Variants in NCKAP5 observed in about 807,000 individuals in gnomAD.
The protein encoded by NCKAP5 is nck-associated protein 5.
Under a neutral mutation model 167.0 loss-of-function variants are expected in NCKAP5, and 92 were observed. The ratio of observed to expected loss-of-function variants is 0.55; its 90% CI spans 0.47 to 0.66. The LOEUF is 0.66. Among genes scored for constraint, NCKAP5 ranks in the 30% least tolerant of loss-of-function variants. The pLI, the probability that NCKAP5 is intolerant of heterozygous loss-of-function variation, is 0.00. For missense variants in NCKAP5, 2,378 were observed against 2,315.0 expected, an observed-to-expected ratio of 1.03 and a Z score of -0.56; for synonymous variants, 891 against 877.4, an observed-to-expected ratio of 1.02 and a Z score of -0.27.
intron 3 of NCKAP5, among the ~76,000 whole-genome samples, chr2:133,382,884 TC>T (rs1463407084): frequency 6.6e-6 from 1 of 152,124 alleles, no homozygotes; most frequent in Non-Finnish European, 1.5e-5. Context: ...CATCATTTTG[TC>T]CTCAGTGTCT....
chr2:133,070,466 G>A (rs2080351348), intron 6 of NCKAP5, among the ~76,000 whole-genome samples: 1 of 152,078 alleles, frequency 6.6e-6, no homozygotes, highest in Non-Finnish European at 1.5e-5. Context: ...GCATGCAGAT[G>A]TTTCCTGTAT....
At chr2:132,716,486 TC>T (rs1573971938) in intron 19 of NCKAP5, among the ~76,000 whole-genome samples, 1 of 152,154 alleles carries the variant, frequency 6.6e-6, no homozygotes, top group East Asian at 1.9e-4. Flanking sequence ...CCTCACCTAT[TC>T]CACTTCAACC....
At position 132,783,609 on chromosome 2, in the gene NCKAP5, T is replaced by A. The variant is rs1281498366; in HGVS notation, c.3202A>T (p.Ile1068Phe). The part of the protein sequence containing the change: ...QRDIGLQTPR[I>F]SPSTHEPLEM... ...AGTGGCTCATGGGTTGAAGGAGAGA[T>A]CCTGGGAGTCTGTAATCCTATGTCC... Residue 1068 changes from isoleucine (I) to phenylalanine (F), a missense_variant, in exon 14 of 20, where the codon ATC (isoleucine) becomes TTC (phenylalanine). By Grantham distance (21) the Ile-to-Phe change is conservative. Around this residue, in one of 3 missense-constraint regions of NCKAP5, gnomAD observed 1,325 missense variants for 1,274.5 expected, o/e 1.04. Coordinates refer to ENST00000409261, the MANE Select transcript of NCKAP5 (RefSeq NM_207363.3). 8.1e-6 allele frequency: 13 copies of A among 1,613,774 alleles called. No individual in the cohort carries two copies. The highest frequency in any genetic ancestry group is 1.3e-5 in the African/African-American group (1 of 74,880).
intron 4 of NCKAP5, among the ~76,000 whole-genome samples, chr2:133,284,424 A>C (rs2090035469): frequency 6.6e-6 from 1 of 152,202 alleles, no homozygotes; most frequent in Non-Finnish European, 1.5e-5. Context: ...ATAAGAAAAA[A>C]ATAGTATGTG....
At chr2:133,463,243 G>T (rs958761712) in intron 3 of NCKAP5, among the ~76,000 whole-genome samples, 1 of 152,134 alleles carries the variant, frequency 6.6e-6, no homozygotes, top group Non-Finnish European at 1.5e-5. Context: ...TACAAATCAG[G>T]TTTTAACTTT....
At chr2:133,613,289 T>C in the NCKAP5 span, among the ~76,000 whole-genome samples, 1 of 152,194 alleles carries the variant, frequency 6.6e-6, no homozygotes, top group African/African-American at 2.4e-5. Context: ...GTTCAATGGA[T>C]GCAATGGTAC....
chr2:133,495,802 T>G (rs1028362454), intron 3 of NCKAP5, among the ~76,000 whole-genome samples: 1 of 152,196 alleles, frequency 6.6e-6, no homozygotes, highest in African/African-American at 2.4e-5. Flanking sequence ...AAATTACATT[T>G]TAAATATACT....
intron 2 of NCKAP5, among the ~76,000 whole-genome samples, chr2:133,528,146 A>G (rs1281217307): frequency 2.0e-5 from 3 of 152,276 alleles, no homozygotes; most frequent in African/African-American, 7.2e-5. Flanking sequence ...AAGTAGAGTT[A>G]GGTTTTACAC....
In NCKAP5 at chr2:133,337,642, G is replaced by A. The variant is rs192282894; in HGVS notation, c.70-34532C>T. Among the ~76,000 whole-genome samples the A allele has an allele frequency of 4.6e-4, 70 of 152,314 alleles. 1 individual carries two copies. Among genetic ancestry groups the A allele is most frequent in the Admixed American group, 2.9e-3 (44 of 15,302 alleles). ...CCAGAGAGAGACAAGTGGATGCACAGAAAGATGACTGTGTGAACACACAGC... is the reference window on the plus strand; with the variant it reads ...CCAGAGAGAGACAAGTGGATGCACAAAAAGATGACTGTGTGAACACACAGC... On this transcript the variant is annotated intron_variant, in intron 3 of 19. Transcript: ENST00000409261.
chr2:132,784,924 C>A lies in NCKAP5; in HGVS notation c.1887G>T (p.Gly629=), dbSNP rs755318249. Reference sequence around the variant, plus strand: ...CTTGTTTTTCCTCCTCTTCAGGAGACCCACATAGAGATTTTCCAAACCCCA... The same window carrying A: ...CTTGTTTTTCCTCCTCTTCAGGAGAACCACATAGAGATTTTCCAAACCCCA... ...VLVGFGKSLC[G]SPEEEEKQVP... is the part of the protein sequence containing the mutation. The change falls in exon 14 of 20, where the codon GGG becomes GGT. Residue 629 remains glycine (G), a synonymous_variant. Coordinates refer to ENST00000409261, the MANE Select transcript of NCKAP5 (RefSeq NM_207363.3). 3.1e-6 allele frequency: 5 copies of A among 1,591,288 alleles called. No homozygotes were observed. The highest frequency in any genetic ancestry group is 4.3e-6 in the Non-Finnish European group (5 of 1,168,758).
intron 3 of NCKAP5, among the ~76,000 whole-genome samples, chr2:133,431,241 C>T (rs755290588): frequency 2.0e-5 from 3 of 152,122 alleles, no homozygotes; most frequent in South Asian, 2.1e-4. Flanking sequence ...AAAGCAAATA[C>T]CCACAGAATG....
intron 6 of NCKAP5, among the ~76,000 whole-genome samples, chr2:133,088,642 G>A (rs1385807153): frequency 6.6e-6 from 1 of 152,010 alleles, no homozygotes; most frequent in Non-Finnish European, 1.5e-5. Flanking sequence ...ATTATGTAAT[G>A]CTGCCTTTAC....
At chr2:133,532,635 T>C (rs377316913) in intron 2 of NCKAP5, among the ~76,000 whole-genome samples, 47 of 152,260 alleles carry the variant, frequency 3.1e-4, no homozygotes, top group African/African-American at 1.1e-3. Flanking sequence ...GGAGCTACAT[T>C]TGACAGGAAA....
chr2:133,610,757 C>T, the NCKAP5 span, among the ~76,000 whole-genome samples: 310 of 152,268 alleles, frequency 2.0e-3, no homozygotes, highest in Non-Finnish European at 2.2e-3. Context: ...GTGTTTACAG[C>T]TCTTGTTCTC....
In NCKAP5 at chr2:132,809,605, C is replaced by T. The variant is rs1685702926; in HGVS notation, c.808-12876G>A. Among the ~76,000 whole-genome samples, 2 of 152,098 alleles carry T rather than the reference C, an allele frequency of 1.3e-5. 1 individual carries two copies. Among genetic ancestry groups the T allele is most frequent in the South Asian group, 4.1e-4 (2 of 4,826 alleles). On this transcript the variant is annotated intron_variant, in intron 11 of 19. Coordinates refer to ENST00000409261, the MANE Select transcript of NCKAP5 (RefSeq NM_207363.3). ...AGCTACTCCTGCTGGCTTTTGGTGT[C>T]CATTTGTACGAAATGCCCTTTTCCA...
rs1397530668 is a variant in NCKAP5 at position 132,811,113 on chromosome 2, G to C, written c.808-14384C>G. ...GGGTTGTCTGCACAGAGTCCTGTGA[G>C]ATGAAACGTCTATGGGTCTCTCAGC... On this transcript the variant is annotated intron_variant, in intron 11 of 19. Transcript: ENST00000409261. 2.0e-5 allele frequency among the ~76,000 whole-genome samples: 3 copies of C among 152,192 alleles called. No homozygotes were observed. The East Asian group carries it at 5.8e-4, about 29-fold the overall frequency.
At chr2:132,799,160 A>G (rs1684834813) in intron 11 of NCKAP5, among the ~76,000 whole-genome samples, 1 of 152,062 alleles carries the variant, frequency 6.6e-6, no homozygotes, top group African/African-American at 2.4e-5. Context: ...TAGAAAACCA[A>G]ATACTGCATG....
chr2:133,050,583 T>C (rs2079566771), intron 6 of NCKAP5, among the ~76,000 whole-genome samples: 1 of 152,218 alleles, frequency 6.6e-6, no homozygotes, highest in Non-Finnish European at 1.5e-5. Flanking sequence ...TTTTCTCCCT[T>C]TGCTCAGTTC....
intron 4 of NCKAP5, among the ~76,000 whole-genome samples, chr2:133,253,707 T>C (rs1394615917): frequency 6.6e-6 from 1 of 152,178 alleles, no homozygotes; most frequent in Non-Finnish European, 1.5e-5. Context: ...TTTCCTTATA[T>C]GTAAAATGAA....
Sources: allele counts gnomAD v4.1 joint callset (sites outside exome capture counted in the v4.1 genomes callset), GRCh38; gene constraint gnomAD v4.1.1; regional missense constraint gnomAD v4.1.1; transcripts MANE v1.5; gene names NCBI Gene and HGNC (gene_info 2026-07-23, HGNC 2026-07-21).